MACROD2: variants seen among roughly 807,000 people sequenced by gnomAD.
MACROD2 encodes the protein ADP-ribose glycohydrolase MACROD2.
A neutral mutation model predicts 70.4 loss-of-function variants in MACROD2; 36 were observed. The observed-to-expected ratio is 0.51, with a 90% CI of 0.39 to 0.68. MACROD2 has a LOEUF of 0.68. Ranked by LOEUF, MACROD2 falls within the 30% of genes least tolerant of loss-of-function variation. The pLI, the probability that MACROD2 is intolerant of heterozygous loss-of-function variation, is 0.00. For synonymous variants in MACROD2, 172 were observed against 178.8 expected (o/e 0.96, Z 0.30); for missense variants, 496 against 538.4 (o/e 0.92, Z 0.78).
chr20:14,932,713 G>A (rs566150677), intron 5 of MACROD2, among the ~76,000 whole-genome samples: 31 of 152,020 alleles, frequency 2.0e-4, no homozygotes, highest in African/African-American at 6.7e-4. Context: ...CTACAGGTGC[G>A]TGTGCCACCA....
At chr20:15,240,788 A>G (rs1397096295) in intron 6 of MACROD2, among the ~76,000 whole-genome samples, 1 of 152,114 alleles carries the variant, frequency 6.6e-6, no homozygotes, top group Non-Finnish European at 1.5e-5. Flanking sequence ...AGATGGAATT[A>G]CTGCTGTGAT....
intron 5 of MACROD2, among the ~76,000 whole-genome samples, chr20:14,753,639 G>A (rs1429002208): frequency 6.6e-6 from 1 of 152,092 alleles, no homozygotes; most frequent in Non-Finnish European, 1.5e-5. Context: ...AAAAAACAGA[G>A]AACTCTTGCT....
intron 2 of MACROD2, among the ~76,000 whole-genome samples, chr20:14,075,577 C>T (rs1381474048): frequency 6.6e-6 from 1 of 152,154 alleles, no homozygotes; most frequent in Non-Finnish European, 1.5e-5. Flanking sequence ...CTCTCCCTTC[C>T]CATTGCTTCT....
At chr20:15,299,011 A>G (rs577451217) in intron 6 of MACROD2, among the ~76,000 whole-genome samples, 1 of 152,310 alleles carries the variant, frequency 6.6e-6, no homozygotes, top group African/African-American at 2.4e-5. Flanking sequence ...AAAACCCATT[A>G]TACACCACCA....
chr20:14,967,400 G>A (rs1460116576), intron 5 of MACROD2, among the ~76,000 whole-genome samples: 1 of 152,206 alleles, frequency 6.6e-6, no homozygotes, highest in South Asian at 2.1e-4. Context: ...CTGAACTCAG[G>A]CAATCCGCCC....
chr20:14,785,381 G>GA (rs889257223), intron 5 of MACROD2, among the ~76,000 whole-genome samples: 42 of 149,290 alleles, frequency 2.8e-4, no homozygotes, highest in African/African-American at 9.1e-4. Flanking sequence ...ATTTAAACAA[G>GA]AAAAAAAAAG....
chr20:14,480,002 G>C (rs1297892466), intron 3 of MACROD2, among the ~76,000 whole-genome samples: 1 of 151,810 alleles, frequency 6.6e-6, no homozygotes, highest in Non-Finnish European at 1.5e-5. Context: ...TCATTCTCCT[G>C]AGTAGCTAGG....
In MACROD2 at chr20:14,921,294, T is replaced by A. The variant is rs140914882; in HGVS notation, c.418+236335T>A. 1.5e-3 allele frequency among the ~76,000 whole-genome samples: 230 copies of A among 152,298 alleles called. 2 individuals are homozygous for A. The highest frequency in any genetic ancestry group is 6.8e-3 in the Middle Eastern group (2 of 294). The stretch of plus-strand genomic sequence containing the variant: ...CTATTTAGATTTGGCATCCAACACT[T>A]GTTGGCCATGGCATGTGATGTAATT... On this transcript the variant is annotated intron_variant, in intron 5 of 17. Coordinates refer to ENST00000684519, the MANE Select transcript of MACROD2 (RefSeq NM_001351661.2).
chr20:14,306,234 T>G (rs1187980662), intron 3 of MACROD2, among the ~76,000 whole-genome samples: 2 of 152,152 alleles, frequency 1.3e-5, no homozygotes, highest in African/African-American at 4.8e-5. Flanking sequence ...AATTCTCTTC[T>G]TTCTTGGTTT....
At chr20:14,502,034 A>G (rs1302158615) in intron 4 of MACROD2, among the ~76,000 whole-genome samples, 1 of 152,204 alleles carries the variant, frequency 6.6e-6, no homozygotes, top group Non-Finnish European at 1.5e-5. Context: ...AAGTTTATTG[A>G]GTTCCCGATT....
chr20:15,314,315 G>T (rs1568715190), intron 6 of MACROD2, among the ~76,000 whole-genome samples: 1 of 152,180 alleles, frequency 6.6e-6, no homozygotes, highest in East Asian at 1.9e-4. Flanking sequence ...GAGCGGACAG[G>T]CACAGTGGCT....
At chr20:15,272,349 CA>C (rs2077353308) in intron 6 of MACROD2, among the ~76,000 whole-genome samples, 2 of 152,146 alleles carry the variant, frequency 1.3e-5, no homozygotes, top group Admixed American at 1.3e-4. Flanking sequence ...TGGTGTATAT[CA>C]AACAGAATAT....
chr20:14,556,129 T>C (rs1979016631), intron 4 of MACROD2, among the ~76,000 whole-genome samples: 1 of 152,060 alleles, frequency 6.6e-6, no homozygotes, highest in African/African-American at 2.4e-5. Context: ...CCCTCTAAGA[T>C]ATTGGTAGAA....
intron 5 of MACROD2, among the ~76,000 whole-genome samples, chr20:15,073,754 G>A (rs893530520): frequency 5.3e-5 from 8 of 152,130 alleles, no homozygotes; most frequent in Non-Finnish European, 8.8e-5. Context: ...GTTTGCAAAG[G>A]AAACAGTATT....
At chr20:14,965,689 C>G (rs1447115127) in intron 5 of MACROD2, among the ~76,000 whole-genome samples, 1 of 150,904 alleles carries the variant, frequency 6.6e-6, no homozygotes, top group Non-Finnish European at 1.5e-5. Flanking sequence ...AGGATGGTCT[C>G]GATCTCCTGA....
chr20:15,849,576 G>T (rs1057396388), intron 8 of MACROD2, among the ~76,000 whole-genome samples: 11 of 152,154 alleles, frequency 7.2e-5, no homozygotes, highest in Admixed American at 6.5e-4. Flanking sequence ...GGCATCTTTT[G>T]AAAGTCAAGA....
At chr20:14,993,710 C>T (rs1490399164) in intron 5 of MACROD2, among the ~76,000 whole-genome samples, 2 of 152,252 alleles carry the variant, frequency 1.3e-5, no homozygotes, top group African/African-American at 2.4e-5. Context: ...AGTCTGTAGA[C>T]AGTTGAAGAC....
At chr20:16,038,747 C>G (rs1336027618) in intron 15 of MACROD2, among the ~76,000 whole-genome samples, 1 of 151,814 alleles carries the variant, frequency 6.6e-6, no homozygotes, top group Admixed American at 6.6e-5. Context: ...TGTTCTTGTT[C>G]CTCTGAAATG....
chr20:14,747,075 T>C (rs777431562), intron 5 of MACROD2, among the ~76,000 whole-genome samples: 20 of 152,186 alleles, frequency 1.3e-4, no homozygotes, highest in Non-Finnish European at 2.6e-4. Context: ...CCAGTCCTCA[T>C]GCTGCTATCC....
Sources: allele counts gnomAD v4.1 joint callset (sites outside exome capture counted in the v4.1 genomes callset), GRCh38; gene constraint gnomAD v4.1.1; transcripts MANE v1.5; gene names NCBI Gene and HGNC (gene_info 2026-07-23, HGNC 2026-07-21).